The following TXNL4A variants were observed in gnomAD, a reference collection of about 807,000 sequenced individuals.
TXNL4A encodes the protein thioredoxin-like protein 4A.
In TXNL4A, 17 loss-of-function variants were observed where a neutral mutation model predicts 14.6. The observed-to-expected ratio is 1.16, with a 90% CI of 0.80 to 1.74. The LOEUF is 1.74. TXNL4A is among the 40% of genes most tolerant of loss of function. The probability of loss-of-function intolerance (pLI) is 0.00; values close to 1 mark genes in which losing one functional copy is unlikely to be tolerated. For synonymous variants in TXNL4A, 83 were observed against 70.6 expected (o/e 1.18, Z -0.88); for missense variants, 74 against 195.2 (o/e 0.38, Z 3.70).
At chr18:80,026,094 C>A (rs1485963628) in intron 1 of TXNL4A, among the ~76,000 whole-genome samples, 1 of 152,114 alleles carries the variant, frequency 6.6e-6, no homozygotes, top group African/African-American at 2.4e-5. Context: ...TTATTAAAGG[C>A]AAATTTATTA....
In TXNL4A at chr18:79,977,623, G is replaced by A; in HGVS notation, c.232C>T (p.Pro78Ser). Reference protein sequence around the residue: ...DFNKMYELYDPCTVMFFFRNK... With the variant: ...DFNKMYELYDSCTVMFFFRNK... ...CTGAAGAAAAACATGACAGTACATGGATCGTATAACTCATACATTTTGTTG... is the reference window on the plus strand; with the variant it reads ...CTGAAGAAAAACATGACAGTACATGAATCGTATAACTCATACATTTTGTTG... Residue 78 changes from proline to serine, a missense_variant, in exon 2 of 3, where the codon CCA becomes TCA. Coordinates refer to ENST00000269601, the MANE Select transcript of TXNL4A (RefSeq NM_006701.5). 1 of 1,610,358 alleles carries A rather than the reference G, an allele frequency of 6.2e-7. No individual in the cohort carries two copies. Among genetic ancestry groups the A allele is most frequent in the Non-Finnish European group, 8.5e-7 (1 of 1,178,774 alleles).
intron 1 of TXNL4A, among the ~76,000 whole-genome samples, chr18:79,987,855 C>T (rs948109994): frequency 3.9e-5 from 6 of 152,160 alleles, no homozygotes; most frequent in Admixed American, 3.9e-4. Context: ...ATGCATACAA[C>T]GAATAACTCA....
At chr18:80,033,555 G>A (rs2051940832) in intron 1 of TXNL4A, among the ~76,000 whole-genome samples, 2 of 152,260 alleles carry the variant, frequency 1.3e-5, no homozygotes, top group Non-Finnish European at 2.9e-5. Context: ...GCCCAGTGGC[G>A]GAAACAGACG....
chr18:80,005,779 T>C (rs2051726020), intron 1 of TXNL4A, among the ~76,000 whole-genome samples: 1 of 152,108 alleles, frequency 6.6e-6, no homozygotes, highest in Admixed American at 6.5e-5. Context: ...GCCAGCATGA[T>C]GGTGCATGCC....
chr18:80,018,836 C>T (rs1335112285), intron 1 of TXNL4A, among the ~76,000 whole-genome samples: 1 of 152,218 alleles, frequency 6.6e-6, no homozygotes, highest in Non-Finnish European at 1.5e-5. Flanking sequence ...CCTAAATCAT[C>T]TCTCTCGAGT....
chr18:80,003,298 A>C (rs989345143), intron 1 of TXNL4A, among the ~76,000 whole-genome samples: 2 of 152,244 alleles, frequency 1.3e-5, no homozygotes, highest in African/African-American at 2.4e-5. Flanking sequence ...TGTCCAGCAC[A>C]GGTCCTGTGC....
intron 1 of TXNL4A, 61 bp downstream of exon 1, chr18:79,988,179 G>A (rs889929649): frequency 1.1e-4 from 150 of 1,394,748 alleles, no homozygotes; most frequent in Non-Finnish European, 1.4e-4. Flanking sequence ...CGCCGGCAGG[G>A]CAGAGGCGCG....
At chr18:79,981,756 A>C (rs1311557842) in intron 1 of TXNL4A, among the ~76,000 whole-genome samples, 1 of 152,250 alleles carries the variant, frequency 6.6e-6, no homozygotes, top group East Asian at 1.9e-4. Flanking sequence ...TTTGCCTTCA[A>C]GCTCCGGCCC....
At position 79,973,666 on chromosome 18, in the gene TXNL4A, C is replaced by A; in HGVS notation, c.*19G>T. The A allele has an allele frequency of 1.3e-6, 2 of 1,597,662 alleles. No individual in the cohort carries two copies. The highest frequency in any genetic ancestry group is 8.5e-7 in the Non-Finnish European group (1 of 1,173,322). The stretch of plus-strand genomic sequence containing the variant: ...CAAAAAGGGCTCCACGACATTTATC[C>A]GCGCAGACTGAGGGCGCCTCAGTAG... On this transcript the variant is annotated 3_prime_UTR_variant, in exon 3 of 3. Transcript: ENST00000269601.
chr18:79,977,110 C>A (rs2051391298), intron 2 of TXNL4A, among the ~76,000 whole-genome samples: 1 of 152,064 alleles, frequency 6.6e-6, no homozygotes, highest in Admixed American at 6.5e-5. Flanking sequence ...CAGGTATGCA[C>A]CACCACGCCC....
intron 1 of TXNL4A, among the ~76,000 whole-genome samples, chr18:80,013,626 A>G (rs1254794285): frequency 6.6e-6 from 1 of 151,796 alleles, no homozygotes; most frequent in Non-Finnish European, 1.5e-5. Flanking sequence ...TTGTATTTAT[A>G]GTAGAAAGGG....
chr18:79,983,829 G>C (rs2051500986), intron 1 of TXNL4A, among the ~76,000 whole-genome samples: 1 of 152,216 alleles, frequency 6.6e-6, no homozygotes. Context: ...AACCCTATGA[G>C]TGAGGCACAA....
chr18:79,999,134 C>T (rs1366773755), intron 1 of TXNL4A, among the ~76,000 whole-genome samples: 1 of 152,148 alleles, frequency 6.6e-6, no homozygotes, highest in Non-Finnish European at 1.5e-5. Flanking sequence ...GCACTGACAG[C>T]TGCTATGCTT....
rs569868833 is a variant in TXNL4A, at chr18:79,983,960, C to T, written c.153+4280G>A. ...TCAACCGCCGCTCAACACCACTCCT[C>T]ATACCTTGTGGCTAGAGTCTGCACC... On this transcript the variant is annotated intron_variant, in intron 1 of 2. Coordinates refer to ENST00000269601, the MANE Select transcript of TXNL4A (RefSeq NM_006701.5). Among the ~76,000 whole-genome samples the T allele has an allele frequency of 9.2e-5, 14 of 152,152 alleles. No homozygotes were observed. In the East Asian group the frequency reaches 2.7e-3, roughly 29 times the overall value.
intron 1 of TXNL4A, among the ~76,000 whole-genome samples, chr18:80,003,364 G>C (rs945214618): frequency 6.6e-6 from 1 of 152,230 alleles, no homozygotes; most frequent in Non-Finnish European, 1.5e-5. Flanking sequence ...TGGACCCAGA[G>C]GGCAAGCATG....
At chr18:80,009,816 G>C (rs1293031354) in intron 1 of TXNL4A, among the ~76,000 whole-genome samples, 1 of 152,200 alleles carries the variant, frequency 6.6e-6, no homozygotes, top group Non-Finnish European at 1.5e-5. Context: ...TCCCGCCAGA[G>C]CTTGGGAGGG....
chr18:80,015,355 A>AATTATTATTATTATTATTATTATTATT (rs60860228), intron 1 of TXNL4A, among the ~76,000 whole-genome samples: 11 of 148,484 alleles, frequency 7.4e-5, no homozygotes, highest in African/African-American at 2.7e-4. Context: ...TTTTTTAAAA[A>AATTATTATTATTATTATTATTATTATT]ATTATTATTA....
At chr18:79,989,942 G>A (rs78561698), upstream of TXNL4A, among the ~76,000 whole-genome samples, 17,085 of 152,240 alleles carry the variant, frequency 0.11, 1,186 homozygotes, top group East Asian at 0.27. Flanking sequence ...GTTGCAGTGA[G>A]CTGAGATCGC....
At position 79,973,402 on chromosome 18, in the gene TXNL4A, A is replaced by C. The variant is rs1289916382; in HGVS notation, c.*283T>G. ...AACCAACCCAGTATGCAAAACGCAC[A>C]GGCTCACAGGATAAACACCTTCGTT... On this transcript the variant is annotated 3_prime_UTR_variant, in exon 3 of 3. Coordinates refer to ENST00000269601, the MANE Select transcript of TXNL4A (RefSeq NM_006701.5). 1 of 332,502 alleles carries C rather than the reference A, an allele frequency of 3.0e-6. No individual in the cohort carries two copies. Among genetic ancestry groups the C allele is most frequent in the African/African-American group, 2.1e-5 (1 of 47,012 alleles). 20.6% of individuals were successfully genotyped at this position (332,502 alleles called of 1,614,324 possible).
Sources: gnomAD v4.1 joint callset for allele counts (sites outside exome capture counted in the v4.1 genomes callset) on GRCh38, gnomAD v4.1.1 for gene constraint, MANE v1.5 for transcripts, NCBI Gene and HGNC (gene_info 2026-07-23, HGNC 2026-07-21) for gene names.